The following ZMIZ1 variants were observed in gnomAD, a reference collection of about 807,000 sequenced individuals.
ZMIZ1 encodes the protein zinc finger MIZ domain-containing protein 1.
In ZMIZ1, 17 loss-of-function variants were observed where a neutral mutation model predicts 113.9. The observed-to-expected ratio is 0.15, with a 90% CI of 0.10 to 0.22. ZMIZ1 has a LOEUF of 0.22. Among genes scored for constraint, ZMIZ1 ranks in the 10% least tolerant of loss-of-function variants. The probability of loss-of-function intolerance (pLI) is 1.00; values close to 1 mark genes in which losing one functional copy is unlikely to be tolerated. For synonymous variants in ZMIZ1, 607 were observed against 603.1 expected, an observed-to-expected ratio of 1.01 and a Z score of -0.09; for missense variants, 1,059 against 1,477.8, an observed-to-expected ratio of 0.72 and a Z score of 4.65.
chr10:79,097,448 A>G (rs1206497743), intron 1 of ZMIZ1, among the ~76,000 whole-genome samples: 1 of 152,228 alleles, frequency 6.6e-6, no homozygotes, highest in Non-Finnish European at 1.5e-5. Flanking sequence ...TCTTCCGCCT[A>G]GGGTCAGCCC....
At chr10:79,174,543 G>A (rs79106235) in intron 4 of ZMIZ1, among the ~76,000 whole-genome samples, 2 of 152,192 alleles carry the variant, frequency 1.3e-5, no homozygotes, top group Non-Finnish European at 2.9e-5. Flanking sequence ...AGAGGACAGA[G>A]ACCAAACACT....
intron 12 of ZMIZ1, chr10:79,295,642 TCC>T (rs1341994102): frequency 2.0e-5 from 3 of 152,240 alleles, no homozygotes; most frequent in Non-Finnish European, 4.4e-5. Flanking sequence ...TGTAGATTCT[TCC>T]ACACTGACAC....
intron 2 of ZMIZ1, among the ~76,000 whole-genome samples, chr10:79,129,307 G>A (rs191848768): frequency 1.4e-3 from 210 of 152,286 alleles, no homozygotes; most frequent in African/African-American, 5.0e-3. Flanking sequence ...GCCTGGGACC[G>A]TCCTGGTTTT....
intron 4 of ZMIZ1, among the ~76,000 whole-genome samples, chr10:79,165,445 G>A (rs1846285714): frequency 1.3e-5 from 2 of 152,208 alleles, no homozygotes; most frequent in Admixed American, 1.3e-4. Context: ...GGAGGAGGGT[G>A]TGTGGCTGTG....
chr10:79,253,920 T>G (rs1350848534), intron 7 of ZMIZ1, among the ~76,000 whole-genome samples: 1 of 152,004 alleles, frequency 6.6e-6, no homozygotes, highest in Non-Finnish European at 1.5e-5. Flanking sequence ...ACACACACAC[T>G]CATGCACACA....
At chr10:79,244,875 T>C (rs1194330003) in intron 7 of ZMIZ1, among the ~76,000 whole-genome samples, 1 of 152,218 alleles carries the variant, frequency 6.6e-6, no homozygotes, top group Non-Finnish European at 1.5e-5. Context: ...TATGGGGCTC[T>C]GGGCCTGAAG....
intron 4 of ZMIZ1, among the ~76,000 whole-genome samples, chr10:79,165,277 G>A (rs1341644079): frequency 6.6e-6 from 1 of 152,174 alleles, no homozygotes; most frequent in African/African-American, 2.4e-5. Context: ...CAGTTTGGGA[G>A]CCAGAGCTGG....
At chr10:79,288,213 C>T (rs999174042) in intron 8 of ZMIZ1, among the ~76,000 whole-genome samples, 1 of 152,236 alleles carries the variant, frequency 6.6e-6, no homozygotes, top group African/African-American at 2.4e-5. Context: ...GCACAGAGCA[C>T]AAGACTTGGC....
chr10:79,286,509 G>A (rs899184047), intron 8 of ZMIZ1, among the ~76,000 whole-genome samples: 2 of 152,376 alleles, frequency 1.3e-5, no homozygotes, highest in Non-Finnish European at 2.9e-5. Context: ...TCCTGAGACT[G>A]CCCCACACGC....
intron 1 of ZMIZ1, among the ~76,000 whole-genome samples, chr10:79,116,285 C>T (rs61853176): frequency 1.1e-3 from 169 of 152,102 alleles, no homozygotes; most frequent in Non-Finnish European, 1.9e-3. Flanking sequence ...GGGGGTGTCT[C>T]GACCCTGGGG....
At chr10:79,126,593 A>AC (rs1345845426) in intron 2 of ZMIZ1, among the ~76,000 whole-genome samples, 3 of 152,180 alleles carry the variant, frequency 2.0e-5, no homozygotes, top group Non-Finnish European at 4.4e-5. Context: ...GGAGGCTAGG[A>AC]CTGCTCAGGG....
chr10:79,131,533 A>C (rs1844769866), intron 2 of ZMIZ1, among the ~76,000 whole-genome samples: 1 of 152,196 alleles, frequency 6.6e-6, no homozygotes, highest in Non-Finnish European at 1.5e-5. Context: ...TCCTGTCCTA[A>C]TGATGAGTTT....
intron 7 of ZMIZ1, among the ~76,000 whole-genome samples, chr10:79,251,756 C>G (rs1313277528): frequency 1.3e-5 from 2 of 152,198 alleles, no homozygotes; most frequent in Non-Finnish European, 2.9e-5. Context: ...TTGTGTAACT[C>G]TCAGGTATGT....
Position 79,136,777 on chromosome 10 carries a change from A to G in ZMIZ1, c.-226-2905A>G, listed in dbSNP as rs76086340. Among the ~76,000 whole-genome samples, 1,358 of 152,344 alleles carry G rather than the reference A, an allele frequency of 8.9e-3. 23 individuals carry two copies. The highest frequency in any genetic ancestry group is 0.031 in the African/African-American group (1,283 of 41,570). ...TTAGAACAGTACAGCTAAAGGTTAA[A>G]TATCACTATCCATTTCATCACTCTT... On this transcript the variant is annotated intron_variant, in intron 2 of 24. Transcript: ENST00000334512.
At chr10:79,196,578 C>T (rs557854257) in intron 4 of ZMIZ1, among the ~76,000 whole-genome samples, 19 of 152,386 alleles carry the variant, frequency 1.2e-4, no homozygotes, top group South Asian at 8.3e-4. Flanking sequence ...CGTGACCCCA[C>T]GTGGGGCCAG....
At chr10:79,230,964 C>T (rs1463058669) in intron 7 of ZMIZ1, among the ~76,000 whole-genome samples, 2 of 152,252 alleles carry the variant, frequency 1.3e-5, no homozygotes, top group Non-Finnish European at 2.9e-5. Flanking sequence ...GTGGACCCCT[C>T]CTCCGAGGGC....
At chr10:79,196,763 C>T (rs1450158980) in intron 4 of ZMIZ1, among the ~76,000 whole-genome samples, 2 of 152,224 alleles carry the variant, frequency 1.3e-5, no homozygotes, top group Non-Finnish European at 2.9e-5. Flanking sequence ...TTTATCAAGG[C>T]CCACCGGGCT....
intron 1 of ZMIZ1, among the ~76,000 whole-genome samples, chr10:79,104,871 T>C (rs1725475960): frequency 6.6e-6 from 1 of 152,208 alleles, no homozygotes; most frequent in Admixed American, 6.5e-5. Context: ...CTTCATGTTT[T>C]GTTTCTCAAA....
chr10:79,239,595 C>A (rs1849727175), intron 7 of ZMIZ1, among the ~76,000 whole-genome samples: 1 of 152,192 alleles, frequency 6.6e-6, no homozygotes, highest in African/African-American at 2.4e-5. Flanking sequence ...AGAGCCGTCC[C>A]TGGCTTCATT....
Sources: allele counts gnomAD v4.1 joint callset (sites outside exome capture counted in the v4.1 genomes callset), GRCh38; gene constraint gnomAD v4.1.1; transcripts MANE v1.5; gene names NCBI Gene and HGNC (gene_info 2026-07-23, HGNC 2026-07-21).